The following GALNT10 variants were observed in gnomAD, a reference collection of about 807,000 sequenced individuals.
The protein encoded by GALNT10 is GalNAc transferase 10.
GALNT10 carries 41 observed loss-of-function variants against 75.0 expected under a neutral mutation model. The observed-to-expected ratio is 0.55, with a 90% CI of 0.43 to 0.71. The LOEUF is 0.71. Ranked by LOEUF, GALNT10 falls within the 30% of genes least tolerant of loss-of-function variation. The pLI, the probability that GALNT10 is intolerant of heterozygous loss-of-function variation, is 0.00. For synonymous variants in GALNT10, 302 were observed against 313.0 expected, an observed-to-expected ratio of 0.96 and a Z score of 0.37; for missense variants, 727 against 818.5, an observed-to-expected ratio of 0.89 and a Z score of 1.36.
intron 4 of GALNT10, among the ~76,000 whole-genome samples, chr5:154,331,409 T>A (rs955002442): frequency 6.6e-6 from 1 of 152,162 alleles, no homozygotes; most frequent in African/African-American, 2.4e-5. Context: ...ATCTATATCT[T>A]TGATCCTGGC....
chr5:154,255,014 G>T (rs78693538), intron 1 of GALNT10, among the ~76,000 whole-genome samples: 1 of 152,006 alleles, frequency 6.6e-6, no homozygotes, highest in South Asian at 2.1e-4. Flanking sequence ...TAGAGACAAG[G>T]TCTCACTATG....
rs1755226913 is a variant in GALNT10 at position 154,352,550 on chromosome 5, C to T, written c.568+22812C>T. 6.6e-6 allele frequency among the ~76,000 whole-genome samples: 1 copy of T among 152,184 alleles called. No individual in the cohort carries two copies. The highest frequency in any genetic ancestry group is 1.5e-5 in the Non-Finnish European group (1 of 68,032). ...GTTAAGTAATTGGCCCAAGATCGCA[C>T]AGCTAGTAAACGGAAGCTGGGAGCT... On this transcript the variant is annotated intron_variant, in intron 4 of 11. Transcript: ENST00000297107. The surrounding 1 kb of genome is among the most constrained non-coding windows in gnomAD (Gnocchi z 4.4).
At chr5:154,300,561 TGA>T (rs200198089) in intron 3 of GALNT10, among the ~76,000 whole-genome samples, 2 of 152,208 alleles carry the variant, frequency 1.3e-5, no homozygotes, top group African/African-American at 4.8e-5. Context: ...ATTTCTGCAG[TGA>T]GAGAGAGAGA....
chr5:154,240,179 GC>G (rs1260038466), intron 1 of GALNT10, among the ~76,000 whole-genome samples: 3 of 152,182 alleles, frequency 2.0e-5, no homozygotes, highest in African/African-American at 4.8e-5. Context: ...TTATGGGCCT[GC>G]CATCTGGTGG....
intron 6 of GALNT10, among the ~76,000 whole-genome samples, chr5:154,382,085 C>T (rs763439760): frequency 1.6e-4 from 25 of 152,216 alleles, no homozygotes; most frequent in Non-Finnish European, 3.5e-4. Context: ...TTTCTCTATG[C>T]CTTACTCTCC....
chr5:154,287,591 TTGTATGTG>T (rs1489624407), intron 1 of GALNT10: 3 of 152,208 alleles, frequency 2.0e-5, no homozygotes, highest in African/African-American at 7.2e-5. Context: ...TGTTATAGGC[TTGTATGTG>T]TGTATGTGTG....
intron 1 of GALNT10, among the ~76,000 whole-genome samples, chr5:154,206,706 CAG>C (rs1176931508): frequency 2.0e-5 from 3 of 152,200 alleles, no homozygotes; most frequent in East Asian, 1.9e-4. Flanking sequence ...CAGCAAAAGG[CAG>C]AGTCACTGAA....
rs936556518 is a variant in GALNT10 at position 154,412,024 on chromosome 5, C to T, written c.1387-865C>T. ...CACCAGCCAGAGGAGTTCAACATCTCGCAAGAGTGGGTCTGCCTCACCCAT... is the reference window on the plus strand; with the variant it reads ...CACCAGCCAGAGGAGTTCAACATCTTGCAAGAGTGGGTCTGCCTCACCCAT... On this transcript the variant is annotated intron_variant, in intron 9 of 11. Transcript: ENST00000297107. The surrounding 1 kb of genome is among the most constrained non-coding windows in gnomAD (Gnocchi z 4.2). Among the ~76,000 whole-genome samples, 7 of 152,194 alleles carry T rather than the reference C, an allele frequency of 4.6e-5. No homozygotes were observed. The highest frequency in any genetic ancestry group is 1.3e-4 in the Admixed American group (2 of 15,288).
chr5:154,279,234 T>G (rs1753999703), intron 1 of GALNT10, among the ~76,000 whole-genome samples: 3 of 152,162 alleles, frequency 2.0e-5, no homozygotes, highest in African/African-American at 7.2e-5. Context: ...TTTTAAATTA[T>G]AGCTAGCCTA....
intron 1 of GALNT10, among the ~76,000 whole-genome samples, chr5:154,197,624 A>G (rs1457250698): frequency 1.3e-5 from 2 of 152,158 alleles, no homozygotes; most frequent in Non-Finnish European, 1.5e-5. Flanking sequence ...TCAGATGTTA[A>G]ATTGTCTTCA....
At position 154,360,320 on chromosome 5, in the gene GALNT10, A is replaced by C. The variant is rs187905859; in HGVS notation, c.569-15957A>C. Among the ~76,000 whole-genome samples the C allele has an allele frequency of 1.7e-4, 26 of 152,008 alleles. 1 individual carries two copies. The highest frequency in any genetic ancestry group is 4.8e-4 in the African/African-American group (20 of 41,484). On this transcript the variant is annotated intron_variant, in intron 4 of 11. Transcript: ENST00000297107. ...CAAAAATTTAGCCGGGCATGGTGGC[A>C]CATGCCTGTAATCCCAACTACTTGG... is the stretch of plus-strand genomic sequence containing the variant.
rs183700601 is a variant in GALNT10, at chr5:154,364,992, G to A, written c.569-11285G>A. 2.6e-4 allele frequency among the ~76,000 whole-genome samples: 39 copies of A among 152,286 alleles called. No homozygotes were observed. The East Asian group carries it at 6.0e-3, about 23-fold the overall frequency. The stretch of plus-strand genomic sequence containing the variant: ...GGTGGTTTCTGGAGTGTTTTTATTC[G>A]TCGTCTGATTATTAAACAGATTTAT... On this transcript the variant is annotated intron_variant, in intron 4 of 11. Coordinates refer to ENST00000297107, the MANE Select transcript of GALNT10 (RefSeq NM_198321.4).
At chr5:154,390,915 G>A (rs796942685) in intron 7 of GALNT10, among the ~76,000 whole-genome samples, 1 of 152,230 alleles carries the variant, frequency 6.6e-6, no homozygotes, top group Non-Finnish European at 1.5e-5. Flanking sequence ...CATCCGGGAG[G>A]GGGAAGGAGG....
chr5:154,389,748 A>C (rs7720988), intron 7 of GALNT10, among the ~76,000 whole-genome samples: 17,828 of 152,022 alleles, frequency 0.12, 1,236 homozygotes, highest in African/African-American at 0.18. Context: ...ATAAGTATAA[A>C]AAATAATACA....
At chr5:154,373,121 T>C (rs571778686) in intron 4 of GALNT10, among the ~76,000 whole-genome samples, 8 of 152,316 alleles carry the variant, frequency 5.3e-5, no homozygotes, top group African/African-American at 1.4e-4. Context: ...TGAGCCAGGA[T>C]ACAGCCTCAG....
chr5:154,202,946 G>A (rs1474442209), intron 1 of GALNT10, among the ~76,000 whole-genome samples: 1 of 152,240 alleles, frequency 6.6e-6, no homozygotes, highest in East Asian at 1.9e-4. Context: ...GGCAGCAAGA[G>A]AGGCAGCTGA....
At chr5:154,343,219 C>G (rs1438306681) in intron 4 of GALNT10, among the ~76,000 whole-genome samples, 1 of 152,054 alleles carries the variant, frequency 6.6e-6, no homozygotes, top group Non-Finnish European at 1.5e-5. Context: ...AGCTGAGAAA[C>G]TCTGCCTTCA....
At chr5:154,225,349 C>T (rs1399225826) in intron 1 of GALNT10, among the ~76,000 whole-genome samples, 3 of 151,790 alleles carry the variant, frequency 2.0e-5, no homozygotes, top group East Asian at 3.9e-4. Context: ...ACCTCGGCCT[C>T]CCAAAGTGCT....
intron 7 of GALNT10, among the ~76,000 whole-genome samples, chr5:154,390,730 G>A (rs2113192160): frequency 6.6e-6 from 1 of 152,268 alleles, no homozygotes; most frequent in South Asian, 2.1e-4. Context: ...GGAGAACAGT[G>A]AATGGAGAAA....
Sources: allele counts gnomAD v4.1 joint callset (sites outside exome capture counted in the v4.1 genomes callset), GRCh38; gene constraint gnomAD v4.1.1; non-coding constraint Gnocchi (gnomAD v3.1); transcripts MANE v1.5; gene names NCBI Gene and HGNC (gene_info 2026-07-23, HGNC 2026-07-21).